Variants in ESR1 observed in about 807,000 individuals in gnomAD.
The protein encoded by ESR1 is estrogen receptor.
ESR1 carries 12 observed loss-of-function variants against 52.7 expected under a neutral mutation model. That is an observed-to-expected ratio of 0.23 (90% confidence interval 0.15 to 0.37). The LOEUF (loss-of-function observed/expected upper bound fraction) is 0.37, where lower values mean the gene tolerates loss of function less well. Ranked by LOEUF, ESR1 falls within the 10% of genes least tolerant of loss-of-function variation. The pLI, the probability that ESR1 is intolerant of heterozygous loss-of-function variation, is 1.00. For synonymous variants in ESR1, 305 were observed against 316.8 expected (o/e 0.96, Z 0.39); for missense variants, 584 against 779.7 (o/e 0.75, Z 2.99).
intron 2 of ESR1, among the ~76,000 whole-genome samples, chr6:151,855,618 A>C (rs1787691468): frequency 1.3e-5 from 2 of 152,226 alleles, no homozygotes; most frequent in African/African-American, 2.4e-5. Flanking sequence ...TATATCATCC[A>C]TAGACCCTGA....
At chr6:151,727,358 C>T (rs993567783) in intron 2 of ESR1, among the ~76,000 whole-genome samples, 5 of 151,920 alleles carry the variant, frequency 3.3e-5, no homozygotes, top group East Asian at 1.9e-4. Context: ...TGCACCATCA[C>T]GCCCGGCTAA....
rs9340986 is a variant in ESR1, at chr6:152,020,533, T to C, written c.1235+8739T>C. On this transcript the variant is annotated intron_variant, in intron 5 of 7. Transcript: ENST00000206249. Reference sequence around the variant, plus strand: ...TGGTGTGATCTCGGCTCACTTCAATTTCCGCCTCCTGGGTTCAAGCAATTC... The same window carrying C: ...TGGTGTGATCTCGGCTCACTTCAATCTCCGCCTCCTGGGTTCAAGCAATTC... 5.0e-3 allele frequency among the ~76,000 whole-genome samples: 765 copies of C among 151,700 alleles called. 5 individuals are homozygous for C. Among genetic ancestry groups the C allele is most frequent in the African/African-American group, 0.017 (715 of 41,360 alleles).
At chr6:151,929,673 G>T (rs1390429664) in intron 3 of ESR1, among the ~76,000 whole-genome samples, 1 of 97,932 alleles carries the variant, frequency 1.0e-5, no homozygotes, top group Non-Finnish European at 2.5e-5. Flanking sequence ...TTAGCTGGGT[G>T]TGGAGGCAGC....
intron 3 of ESR1, among the ~76,000 whole-genome samples, chr6:151,912,725 G>A (rs1798457344): frequency 6.6e-6 from 1 of 152,130 alleles, no homozygotes; most frequent in African/African-American, 2.4e-5. Flanking sequence ...TTATTAAAAA[G>A]TGAAAAGACA....
intron 4 of ESR1, among the ~76,000 whole-genome samples, chr6:151,957,925 G>A (rs1038319027): frequency 7.2e-5 from 11 of 152,134 alleles, no homozygotes; most frequent in Admixed American, 4.6e-4. Context: ...TCTGACCTTC[G>A]ATTCCCTTAT....
chr6:152,034,393 T>C (rs551688721), intron 5 of ESR1, among the ~76,000 whole-genome samples: 71 of 152,330 alleles, frequency 4.7e-4, no homozygotes, highest in Non-Finnish European at 8.7e-4. Context: ...CATTTACCTG[T>C]CTTCTATATG....
In ESR1 at chr6:151,658,052, C is replaced by T. The variant is rs550614234; in HGVS notation, n.73+1289C>T. 7.2e-5 allele frequency among the ~76,000 whole-genome samples: 11 copies of T among 152,240 alleles called. No homozygotes were observed. The South Asian group carries it at 2.3e-3, about 32-fold the overall frequency. On this transcript the variant is annotated intron_variant and non_coding_transcript_variant, in intron 1 of 2. Transcript: ENST00000473497. ...TTTCTTCTATAGATTTATTTTTATG[C>T]TATGCCTTACTCTCCAATTAGATTT...
Position 151,751,349 on chromosome 6 carries a change from A to G in ESR1, c.-71+49344A>G, listed in dbSNP as rs191169385. Among the ~76,000 whole-genome samples the G allele has an allele frequency of 4.6e-5, 7 of 152,338 alleles. No individual in the cohort carries two copies. In the East Asian group the frequency reaches 1.4e-3, roughly 29 times the overall value. On this transcript the variant is annotated intron_variant, in intron 2 of 2. Transcript: ENST00000404742. The stretch of plus-strand genomic sequence containing the variant: ...TTATCTGTTTGAGAGTAAAAGTTTG[A>G]TTATTTTAATGTTACTACTTCTGGT...
chr6:152,098,662 T>G lies in ESR1; in HGVS notation c.1554-70T>G. The G allele has an allele frequency of 8.0e-7, 1 of 1,252,600 alleles. No homozygotes were observed. Among genetic ancestry groups the G allele is most frequent in the South Asian group, 1.2e-5 (1 of 80,086 alleles). The allele number at this position is 1,252,600 out of a possible 1,614,324, so 77.6% of individuals were successfully genotyped here. On this transcript the variant is annotated intron_variant, in intron 7 of 7. Coordinates refer to ENST00000206249, the MANE Select transcript of ESR1 (RefSeq NM_000125.4). The surrounding 1 kb of genome is among the most constrained non-coding windows in gnomAD (Gnocchi z 5.1). ...TTGGAGTTCCTCTTCCTTCCCCTTCTAGGGATTTCAGCACTCCTGGGGCTC... is the reference window on the plus strand; with the variant it reads ...TTGGAGTTCCTCTTCCTTCCCCTTCGAGGGATTTCAGCACTCCTGGGGCTC...
chr6:151,920,717 T>C (rs770299682), intron 3 of ESR1, among the ~76,000 whole-genome samples: 6 of 152,042 alleles, frequency 3.9e-5, no homozygotes, highest in Non-Finnish European at 1.5e-5. Flanking sequence ...GGCTTTAATG[T>C]GTTTTGGGGA....
chr6:151,669,964 C>A lies in ESR1; in HGVS notation n.73+13201C>A, dbSNP rs117569440. Among the ~76,000 whole-genome samples, 1,264 of 152,174 alleles carry A rather than the reference C, an allele frequency of 8.3e-3. 10 individuals carry two copies. The highest frequency in any genetic ancestry group is 0.013 in the Non-Finnish European group (912 of 68,004). ...CAAATTTAGATCCACGACAAAAGTA[C>A]GGGAGTAAGTGCATGGGGAAAACTT... On this transcript the variant is annotated intron_variant and non_coding_transcript_variant, in intron 1 of 2. Transcript: ENST00000473497.
At chr6:151,842,933 A>T in intron 2 of ESR1, 146 bp downstream of exon 2, 1 of 698,454 alleles carries the variant, frequency 1.4e-6, no homozygotes, top group Non-Finnish European at 2.5e-6. Context: ...TGGTAGAAAC[A>T]TGGAGAAGAG....
At chr6:151,844,834 A>G (rs989010866) in intron 2 of ESR1, among the ~76,000 whole-genome samples, 1 of 152,216 alleles carries the variant, frequency 6.6e-6, no homozygotes, top group African/African-American at 2.4e-5. Flanking sequence ...CATAATCCAT[A>G]ATACCACAAA....
At chr6:151,759,372 T>C (rs993932079) in intron 2 of ESR1, among the ~76,000 whole-genome samples, 2 of 152,094 alleles carry the variant, frequency 1.3e-5, no homozygotes, top group Non-Finnish European at 2.9e-5. Flanking sequence ...TAAAATTATG[T>C]TTATAAATTA....
exon 7 of ESR1, chr6:152,126,570 C>T (rs2053524746): frequency 6.6e-6 from 1 of 152,112 alleles, no homozygotes; most frequent in Non-Finnish European, 1.5e-5. Context: ...ACAGATATAT[C>T]AGATAGTTCT....
At chr6:152,005,930 A>G (rs1186187367) in intron 4 of ESR1, among the ~76,000 whole-genome samples, 2 of 152,090 alleles carry the variant, frequency 1.3e-5, no homozygotes, top group African/African-American at 4.8e-5. Flanking sequence ...CAAGAAAGAA[A>G]GAGTCAGCTT....
At chr6:152,002,890 A>G (rs2042063980) in intron 4 of ESR1, among the ~76,000 whole-genome samples, 1 of 152,024 alleles carries the variant, frequency 6.6e-6, no homozygotes, top group Admixed American at 6.6e-5. Flanking sequence ...TTGATAAGAG[A>G]GAGTACAAAA....
chr6:152,112,842 T>C (rs1159559635), intron 6 of ESR1: 1 of 152,220 alleles, frequency 6.6e-6, no homozygotes, highest in African/African-American at 2.4e-5. Flanking sequence ...CCATTTCCAT[T>C]CTGAAGACAA....
intron 6 of ESR1, among the ~76,000 whole-genome samples, chr6:152,078,944 C>T (rs542993176): frequency 6.6e-6 from 1 of 152,348 alleles, no homozygotes; most frequent in South Asian, 2.1e-4. Context: ...ATTGATGAAG[C>T]TTGAGTAGCT....
Sources: allele counts gnomAD v4.1 joint callset (sites outside exome capture counted in the v4.1 genomes callset), GRCh38; gene constraint gnomAD v4.1.1; non-coding constraint Gnocchi (gnomAD v3.1); transcripts MANE v1.5; gene names NCBI Gene and HGNC (gene_info 2026-07-23, HGNC 2026-07-21).